The following NCKAP5 variants were observed in gnomAD, a reference collection of about 807,000 sequenced individuals.
NCKAP5 encodes NCK associated protein 5, also known as nck-associated protein 5.
A neutral mutation model predicts 167.0 loss-of-function variants in NCKAP5; 92 were observed. The observed-to-expected ratio is 0.55, with a 90% CI of 0.47 to 0.66. NCKAP5 has a LOEUF of 0.66. Ranked by LOEUF, NCKAP5 falls within the 30% of genes least tolerant of loss-of-function variation. NCKAP5 has a pLI of 0.00. For synonymous variants in NCKAP5, 891 were observed against 877.4 expected (o/e 1.02, Z -0.27); for missense variants, 2,378 against 2,315.0 (o/e 1.03, Z -0.56).
At chr2:133,024,894 C>T (rs1032499664) in intron 6 of NCKAP5, among the ~76,000 whole-genome samples, 1 of 152,198 alleles carries the variant, frequency 6.6e-6, no homozygotes, top group Non-Finnish European at 1.5e-5. Flanking sequence ...CACCATGTTG[C>T]AAAGAGACCC....
At chr2:132,788,632 G>A (rs186189089) in intron 13 of NCKAP5, among the ~76,000 whole-genome samples, 14 of 152,268 alleles carry the variant, frequency 9.2e-5, no homozygotes, top group Admixed American at 7.2e-4. Flanking sequence ...AAAAGGCTGT[G>A]CTGCATATGG....
intron 16 of NCKAP5, among the ~76,000 whole-genome samples, chr2:132,760,795 C>T (rs997937214): frequency 6.6e-6 from 1 of 152,184 alleles, no homozygotes; most frequent in East Asian, 1.9e-4. Context: ...GTCAAATGTA[C>T]TCAAACAGTG....
At chr2:133,127,791 T>C (rs1354632175) in intron 6 of NCKAP5, among the ~76,000 whole-genome samples, 2 of 152,126 alleles carry the variant, frequency 1.3e-5, no homozygotes, top group East Asian at 1.9e-4. Context: ...TATTTTAAGT[T>C]GGTTAGGAGA....
intron 2 of NCKAP5, among the ~76,000 whole-genome samples, chr2:133,536,299 G>A (rs1046303609): frequency 6.6e-6 from 1 of 151,934 alleles, no homozygotes; most frequent in Non-Finnish European, 1.5e-5. Flanking sequence ...AATCCATCTT[G>A]AGTTAATTTT....
At chr2:132,705,892 CT>C (rs1452475378) in intron 19 of NCKAP5, among the ~76,000 whole-genome samples, 1 of 152,052 alleles carries the variant, frequency 6.6e-6, no homozygotes, top group African/African-American at 2.4e-5. Flanking sequence ...GAATCTAGGC[CT>C]TTTTTCCAGA....
At chr2:133,593,465 T>C in the NCKAP5 span, among the ~76,000 whole-genome samples, 2 of 152,114 alleles carry the variant, frequency 1.3e-5, no homozygotes, top group African/African-American at 2.4e-5. Context: ...TGCCAAACAA[T>C]AAATGGTAAA....
At chr2:133,648,268 A>T in the NCKAP5 span, among the ~76,000 whole-genome samples, 1 of 152,178 alleles carries the variant, frequency 6.6e-6, no homozygotes, top group Non-Finnish European at 1.5e-5. Context: ...TATTAAAAAA[A>T]AACTGGCAAA....
chr2:132,815,319 A>C (rs1378258338), intron 11 of NCKAP5, among the ~76,000 whole-genome samples: 1 of 152,210 alleles, frequency 6.6e-6, no homozygotes, highest in Non-Finnish European at 1.5e-5. Context: ...AGAGAGAAGA[A>C]GCTGCTCTTA....
At chr2:132,751,011 C>CT (rs1487494899) in intron 16 of NCKAP5, among the ~76,000 whole-genome samples, 2 of 152,304 alleles carry the variant, frequency 1.3e-5, no homozygotes, top group East Asian at 3.9e-4. Flanking sequence ...GAAGGAGAAA[C>CT]TTCACTCTGA....
At chr2:132,865,159 T>C (rs1690243556) in intron 10 of NCKAP5, among the ~76,000 whole-genome samples, 1 of 152,058 alleles carries the variant, frequency 6.6e-6, no homozygotes, top group South Asian at 2.1e-4. Flanking sequence ...AAAAGGCTGG[T>C]CACATCTCAG....
chr2:133,498,819 T>G (rs1440842460), intron 3 of NCKAP5, among the ~76,000 whole-genome samples: 1 of 151,970 alleles, frequency 6.6e-6, no homozygotes, highest in Non-Finnish European at 1.5e-5. Context: ...TTGTACTCTT[T>G]CTCCAAGAAG....
chr2:133,303,174 G>C (rs1298243067), intron 3 of NCKAP5, 64 bp from the exon 4 acceptor site: 1 of 1,116,180 alleles, frequency 9.0e-7, no homozygotes, highest in East Asian at 2.6e-5. Flanking sequence ...CTAAGACCCT[G>C]ACCTTATCTC....
chr2:133,321,643 A>G (rs1682061915), intron 3 of NCKAP5, among the ~76,000 whole-genome samples: 1 of 152,212 alleles, frequency 6.6e-6, no homozygotes, highest in Admixed American at 6.5e-5. Flanking sequence ...GAAAAGCGGG[A>G]AATGAATGCC....
the NCKAP5 span, among the ~76,000 whole-genome samples, chr2:133,575,980 G>T: frequency 6.6e-6 from 1 of 152,242 alleles, no homozygotes; most frequent in Admixed American, 6.5e-5. Context: ...CTATGCCTCA[G>T]TAGTTCCCTC....
chr2:133,373,646 C>T (rs947891962), intron 3 of NCKAP5, among the ~76,000 whole-genome samples: 10 of 152,116 alleles, frequency 6.6e-5, no homozygotes, highest in East Asian at 1.9e-4. Flanking sequence ...GAACTGAGAC[C>T]GTCTGACTTC....
intron 5 of NCKAP5, among the ~76,000 whole-genome samples, chr2:133,181,603 C>CAAAAAAAAAAAAAAAAAAAAAAAAAAAAA (rs34264277): frequency 2.8e-5 from 2 of 71,152 alleles, no homozygotes; most frequent in African/African-American, 1.2e-4. Context: ...CCCATCTCTA[C>CAAAAAAAAAAAAAAAAAAAAAAAAAAAAA]AAAAAAAAAA....
intron 5 of NCKAP5, among the ~76,000 whole-genome samples, chr2:133,165,552 A>AG (rs2083965860): frequency 6.6e-6 from 1 of 152,230 alleles, no homozygotes; most frequent in Non-Finnish European, 1.5e-5. Context: ...AAAGCACAGA[A>AG]GCAGACTGAC....
At chr2:133,047,586 T>C (rs564032334) in intron 6 of NCKAP5, among the ~76,000 whole-genome samples, 1 of 152,352 alleles carries the variant, frequency 6.6e-6, no homozygotes, top group South Asian at 2.1e-4. Context: ...AAAAGCCTCA[T>C]CTGTCCCACC....
chr2:132,934,036 T>C (rs1430947862), intron 8 of NCKAP5, among the ~76,000 whole-genome samples: 6 of 152,246 alleles, frequency 3.9e-5, no homozygotes, highest in Non-Finnish European at 7.3e-5. Context: ...GCTTTTGAGA[T>C]CTTTGAAACA....
Sources: allele counts gnomAD v4.1 joint callset (sites outside exome capture counted in the v4.1 genomes callset), GRCh38; gene constraint gnomAD v4.1.1; transcripts MANE v1.5; gene names NCBI Gene and HGNC (gene_info 2026-07-23, HGNC 2026-07-21).